KRAS: variants seen among roughly 807,000 people sequenced by gnomAD.
The protein encoded by KRAS is GTPase KRas.
KRAS carries 1 observed loss-of-function variant against 21.0 expected under a neutral mutation model. The observed-to-expected ratio is 0.05, with a 90% CI of 0.02 to 0.23. The LOEUF is 0.23. KRAS is among the 10% of genes least tolerant of loss of function. The probability of loss-of-function intolerance (pLI) is 1.00; values close to 1 mark genes in which losing one functional copy is unlikely to be tolerated. For synonymous variants in KRAS, 67 were observed against 72.5 expected (o/e 0.92, Z 0.39); for missense variants, 107 against 221.8 (o/e 0.48, Z 3.29).
intron 1 of KRAS, among the ~76,000 whole-genome samples, chr12:25,246,421 G>C (rs1434357976): frequency 6.6e-6 from 1 of 152,038 alleles, no homozygotes; most frequent in African/African-American, 2.4e-5. Flanking sequence ...AATCAGGCGT[G>C]GTGGCGCTCT....
At position 25,209,593 on chromosome 12, in the gene KRAS, C is replaced by G. The variant is rs1951181415; in HGVS notation, c.*202G>C. On this transcript the variant is annotated 3_prime_UTR_variant, in exon 5 of 5. Transcript: ENST00000311936. Reference sequence around the variant, plus strand: ...TCACAGGCATTGCTAGTTCAAAAACCAAAACTCTGGGAATACTGGCACTTA... The same window carrying G: ...TCACAGGCATTGCTAGTTCAAAAACGAAAACTCTGGGAATACTGGCACTTA... The G allele has an allele frequency of 5.3e-6, 7 of 1,331,602 alleles. No individual in the cohort carries two copies. The highest frequency in any genetic ancestry group is 6.7e-6 in the Non-Finnish European group (7 of 1,043,960). The allele number at this position is 1,331,602 out of a possible 1,614,324, so 82.5% of individuals were successfully genotyped here. A position where few individuals can be genotyped will look rare whatever the true frequency, so the allele number is the denominator to read the frequency against.
chr12:25,211,433 G>T (rs1214185313), intron 4 of KRAS, among the ~76,000 whole-genome samples: 1 of 152,026 alleles, frequency 6.6e-6, no homozygotes, highest in Non-Finnish European at 1.5e-5. Context: ...AAATTAGCTG[G>T]GTGTGGTAGC....
chr12:25,234,006 C>T (rs61761150), intron 2 of KRAS: 36,949 of 191,978 alleles, frequency 0.19, 3,666 homozygotes, highest in Non-Finnish European at 0.22. Flanking sequence ...TAACAGTGTG[C>T]AAAGGCAGAT....
At chr12:25,219,241 T>C (rs1309330885) in intron 4 of KRAS, among the ~76,000 whole-genome samples, 1 of 152,234 alleles carries the variant, frequency 6.6e-6, no homozygotes, top group African/African-American at 2.4e-5. Context: ...TAGCCTACTT[T>C]TGTTTTTATA....
At chr12:25,228,178 CTTTTTTTTTTTTT>C (rs34584556) in intron 2 of KRAS, among the ~76,000 whole-genome samples, 1 of 76,778 alleles carries the variant, frequency 1.3e-5, no homozygotes, top group African/African-American at 5.1e-5. Context: ...TTTCTTTCAT[CTTTTTTTTTTTTT>C]TTTTTTTTTT....
Position 25,205,690 on chromosome 12 carries a change from T to TG in KRAS, c.*4104dup, listed in dbSNP as rs765395620. 5 of 223,910 alleles carry TG rather than the reference T, an allele frequency of 2.2e-5. No individual in the cohort carries two copies. The highest frequency in any genetic ancestry group is 4.5e-5 in the African/African-American group (2 of 44,688). The allele number at this position is 223,910 out of a possible 1,614,324, so 13.9% of individuals were successfully genotyped here. On this transcript the variant is annotated 3_prime_UTR_variant, in exon 5 of 5. Transcript: ENST00000311936. ...TAACCCAGTTAGCTCTGTGGGGGTG[T>TG]GGGGGGAGAGATGGGCCCTCAACAT...
intron 2 of KRAS, among the ~76,000 whole-genome samples, chr12:25,237,200 C>CA (rs1210348317): frequency 6.6e-6 from 1 of 152,030 alleles, no homozygotes; most frequent in Non-Finnish European, 1.5e-5. Flanking sequence ...GACAAATCCA[C>CA]AGAGATGGAA....
intron 2 of KRAS, among the ~76,000 whole-genome samples, chr12:25,243,680 C>T (rs1951639573): frequency 6.6e-6 from 1 of 152,092 alleles, no homozygotes; most frequent in Non-Finnish European, 1.5e-5. Context: ...AATCACCTTC[C>T]AAAATCCCAG....
At chr12:25,217,160 C>A (rs1356322520) in intron 4 of KRAS, among the ~76,000 whole-genome samples, 1 of 152,132 alleles carries the variant, frequency 6.6e-6, no homozygotes, top group South Asian at 2.1e-4. Context: ...TTCAATCACA[C>A]ACAGAGAATT....
At chr12:25,209,952 TGGC>T (rs959011570) in intron 4 of KRAS, 41 bp from the exon 5 acceptor site, 18 of 1,467,568 alleles carry the variant, frequency 1.2e-5, no homozygotes, top group Non-Finnish European at 2.8e-6. Flanking sequence ...ATATATACGA[TGGC>T]TTCATGTGTA....
At chr12:25,224,559 A>G (rs1247446617) in intron 4 of KRAS, among the ~76,000 whole-genome samples, 1 of 152,190 alleles carries the variant, frequency 6.6e-6, no homozygotes, top group Non-Finnish European at 1.5e-5. Flanking sequence ...GTTAGGAAAA[A>G]TTAAAAAGTT....
At chr12:25,230,564 G>A (rs989490742) in intron 2 of KRAS, among the ~76,000 whole-genome samples, 1 of 152,132 alleles carries the variant, frequency 6.6e-6, no homozygotes, top group East Asian at 1.9e-4. Context: ...GGAGGTGGAG[G>A]TTACGGTGAG....
At chr12:25,229,516 AAAG>A in intron 2 of KRAS, among the ~76,000 whole-genome samples, 1 of 152,330 alleles carries the variant, frequency 6.6e-6, no homozygotes, top group Admixed American at 6.5e-5. Context: ...AGATTAAGTA[AAAG>A]AAGGGAGTGG....
chr12:25,215,675 A>G lies in KRAS; in HGVS notation c.451-5764T>C, dbSNP rs556158661. ...GAGCTTGAGATTTTTTTTTTTTTAA[A>G]CAGACATCAGACTGTTTGAATAAAA... On this transcript the variant is annotated intron_variant, in intron 4 of 4. Coordinates refer to ENST00000311936, the MANE Select transcript of KRAS (RefSeq NM_004985.5). 1,253 of 828,634 alleles carry G rather than the reference A, an allele frequency of 1.5e-3. 2 individuals are homozygous for G. The highest frequency in any genetic ancestry group is 7.4e-3 in the Middle Eastern group (33 of 4,462). 51.3% of individuals were successfully genotyped at this position (828,634 alleles called of 1,614,324 possible). A position where few individuals can be genotyped will look rare whatever the true frequency, so the allele number is the denominator to read the frequency against.
rs1951698498 is a variant in KRAS, at chr12:25,247,431, T to TA, written c.-11-2037_-11-2036insT. 1.3e-5 allele frequency among the ~76,000 whole-genome samples: 2 copies of TA among 152,350 alleles called. 1 individual carries two copies. Among genetic ancestry groups the TA allele is most frequent in the African/African-American group, 4.8e-5 (2 of 41,574 alleles). The stretch of plus-strand genomic sequence containing the variant: ...CTCTGCTCTACCTAGACTTATTGGC[T>TA]GCTTGTCTAGGGTGAAGTTAACAAC... On this transcript the variant is annotated intron_variant, in intron 1 of 4. Transcript: ENST00000311936.
rs192169464 is a variant in KRAS, at chr12:25,237,353, C to T, written c.111+7921G>A. Among the ~76,000 whole-genome samples, 110 of 152,228 alleles carry T rather than the reference C, an allele frequency of 7.2e-4. 1 individual carries two copies. Among genetic ancestry groups the T allele is most frequent in the Middle Eastern group, 3.4e-3 (1 of 294 alleles). ...TTGTGAATATACTAAAAACCATGTACACTTGAAAAGTGTAAATTGTATGCT... is the reference window on the plus strand; with the variant it reads ...TTGTGAATATACTAAAAACCATGTATACTTGAAAAGTGTAAATTGTATGCT... On this transcript the variant is annotated intron_variant, in intron 2 of 4. Transcript: ENST00000311936.
intron 4 of KRAS, among the ~76,000 whole-genome samples, chr12:25,217,690 T>C (rs1206482096): frequency 6.6e-6 from 1 of 152,048 alleles, no homozygotes; most frequent in Non-Finnish European, 1.5e-5. Context: ...TACCAGCACT[T>C]TGAGAGGGCA....
chr12:25,229,679 TAAG>T (rs1592810479), intron 2 of KRAS, among the ~76,000 whole-genome samples: 1 of 152,002 alleles, frequency 6.6e-6, no homozygotes, highest in South Asian at 2.1e-4. Context: ...AATCATGAAA[TAAG>T]AAGCAGGGCT....
At chr12:25,217,255 G>C (rs946769184) in intron 4 of KRAS, among the ~76,000 whole-genome samples, 21 of 152,164 alleles carry the variant, frequency 1.4e-4, no homozygotes, top group African/African-American at 5.1e-4. Flanking sequence ...ACTGCCTACA[G>C]TAGTTAAGAA....
Sources: allele counts gnomAD v4.1 joint callset (sites outside exome capture counted in the v4.1 genomes callset), GRCh38; gene constraint gnomAD v4.1.1; transcripts MANE v1.5; gene names NCBI Gene and HGNC (gene_info 2026-07-23, HGNC 2026-07-21).